Variants in SORL1 observed in about 807,000 individuals in gnomAD.
SORL1 encodes the protein sortilin-related receptor.
Under a neutral mutation model 273.7 loss-of-function variants are expected in SORL1, and 127 were observed. That is an observed-to-expected ratio of 0.46 (90% CI 0.40 to 0.54). SORL1 has a LOEUF of 0.54. Ranked by LOEUF, SORL1 falls within the 20% of genes least tolerant of loss-of-function variation. The pLI is 0.00. For missense variants in SORL1, 2,494 were observed against 2,846.1 expected, an observed-to-expected ratio of 0.88 and a Z score of 2.81; for synonymous variants, 1,031 against 1,067.4, an observed-to-expected ratio of 0.97 and a Z score of 0.66.
chr11:121,577,471 G>C, intron 25 of SORL1, 71 bp downstream of exon 25: 1 of 1,417,912 alleles, frequency 7.1e-7, no homozygotes, highest in Non-Finnish European at 9.3e-7. Flanking sequence ...AGCTTTAAAC[G>C]ATCGGAAAAT....
In SORL1 at chr11:121,595,748, G is replaced by A. The variant is rs1407857570; in HGVS notation, c.4495G>A (p.Asp1499Asn). ...CTGTGACGGCCACCAAGATTGCCAG[G>A]ATGGCCGGGACGAGGCCAATTGCCG... ...KRCDGHQDCQDGRDEANCPTH... is the reference protein window; with the variant it reads ...KRCDGHQDCQNGRDEANCPTH... Residue 1499 changes from aspartate to asparagine, a missense_variant, in exon 32 of 48, where the codon GAT (aspartate) becomes AAT (asparagine). Physicochemically the swap from Asp to Asn is conservative, Grantham distance 23. Around this residue, in one of 3 missense-constraint regions of SORL1, gnomAD observed 1,609 missense variants for 1,816.4 expected, o/e 0.89. Transcript: ENST00000260197. The surrounding 1 kb of genome is among the most constrained non-coding windows in gnomAD (Gnocchi z 5.1). 6.2e-7 allele frequency: 1 copy of A among 1,613,488 alleles called. No homozygotes were observed. The highest frequency in any genetic ancestry group is 1.3e-5 in the African/African-American group (1 of 74,930).
chr11:121,473,522 TA>T (rs1426437275), intron 2 of SORL1, among the ~76,000 whole-genome samples: 3 of 152,246 alleles, frequency 2.0e-5, no homozygotes, highest in African/African-American at 7.2e-5. Context: ...TTTTACAAAG[TA>T]CTAGGTTTAC....
chr11:121,615,117 C>G, intron 41 of SORL1, 62 bp downstream of exon 41: 1 of 1,332,890 alleles, frequency 7.5e-7, no homozygotes, highest in Non-Finnish European at 1.0e-6. Flanking sequence ...GCTACGCCAC[C>G]ACACAACTCC....
At chr11:121,551,895 TCA>T (rs1408267393) in intron 16 of SORL1, among the ~76,000 whole-genome samples, 1 of 152,252 alleles carries the variant, frequency 6.6e-6, no homozygotes, top group African/African-American at 2.4e-5. Flanking sequence ...AATATTTCCC[TCA>T]CAAGAGCTGT....
chr11:121,518,443 G>A (rs1354417257), intron 8 of SORL1, among the ~76,000 whole-genome samples: 1 of 152,190 alleles, frequency 6.6e-6, no homozygotes, highest in African/African-American at 2.4e-5. Flanking sequence ...CTGCTTAGAA[G>A]TAAAAGATAA....
At chr11:121,566,380 T>G (rs545087039) in intron 21 of SORL1, among the ~76,000 whole-genome samples, 79 of 152,222 alleles carry the variant, frequency 5.2e-4, no homozygotes, top group Non-Finnish European at 8.5e-4. Context: ...AAAAAAAAAT[T>G]TTTTTTAAGG....
chr11:121,577,153 G>T, intron 24 of SORL1, 128 bp from the exon 25 acceptor site: 1 of 1,299,090 alleles, frequency 7.7e-7, no homozygotes, highest in Admixed American at 2.1e-5. Flanking sequence ...AAGTCTCTTC[G>T]TTCATGGTCT....
At chr11:121,517,236 G>A (rs942723225) in intron 8 of SORL1, among the ~76,000 whole-genome samples, 1 of 151,924 alleles carries the variant, frequency 6.6e-6, no homozygotes, top group Non-Finnish European at 1.5e-5. Context: ...TCTCTCCACC[G>A]TCCCCTTCTC....
intron 3 of SORL1, among the ~76,000 whole-genome samples, chr11:121,480,566 G>A (rs1805890648): frequency 6.6e-6 from 1 of 150,478 alleles, no homozygotes; most frequent in Non-Finnish European, 1.5e-5. Context: ...CTCCTGCTGT[G>A]GTGCACAGAT....
At position 121,618,779 on chromosome 11, in the gene SORL1, T is replaced by C. The variant is rs1009492208; in HGVS notation, c.5610T>C (p.Tyr1870=). ...CTWTGPRNVV[Y]GIFYATSFLD... is the part of the protein sequence containing the mutation. ...CCATTCTCTGCTTTTACCAGGTTTA[T>C]GGTATTTTCTATGCCACGTCCTTTC... Residue 1870 remains tyrosine (Y), a synonymous_variant, in exon 42 of 48, where the codon TAT becomes TAC. Transcript: ENST00000260197. 1 of 1,614,190 alleles carries C rather than the reference T, an allele frequency of 6.2e-7. No homozygotes were observed. Among genetic ancestry groups the C allele is most frequent in the Non-Finnish European group, 8.5e-7 (1 of 1,180,000 alleles).
intron 23 of SORL1, among the ~76,000 whole-genome samples, chr11:121,570,724 A>G (rs1177589825): frequency 2.0e-5 from 3 of 152,174 alleles, no homozygotes; most frequent in Non-Finnish European, 4.4e-5. Context: ...ACCAGGCTCA[A>G]GAGAGATTGT....
intron 8 of SORL1, among the ~76,000 whole-genome samples, chr11:121,516,358 A>T (rs990827954): frequency 6.6e-6 from 1 of 152,218 alleles, no homozygotes; most frequent in Non-Finnish European, 1.5e-5. Flanking sequence ...GACGAGGGGT[A>T]CGAAAGGAGG....
At chr11:121,520,222 C>T (rs886891321) in intron 8 of SORL1, among the ~76,000 whole-genome samples, 1 of 152,102 alleles carries the variant, frequency 6.6e-6, no homozygotes, top group African/African-American at 2.4e-5. Flanking sequence ...ATGATTGCAC[C>T]ACTGCACTCC....
Position 121,632,331 on chromosome 11 carries a change from TAG to T in SORL1, c.*2773_*2774del, listed in dbSNP as rs1863887599. ...ATACGAGTCCACATGGATAAAATGT[TAG>T]AGAGTGGAGTTCTACAGAGGATTCC... On this transcript the variant is annotated 3_prime_UTR_variant, in exon 48 of 48. Coordinates refer to ENST00000260197, the MANE Select transcript of SORL1 (RefSeq NM_003105.6). 1 of 152,060 alleles carries T rather than the reference TAG, an allele frequency of 6.6e-6. No individual in the cohort carries two copies. The highest frequency in any genetic ancestry group is 6.5e-5 in the Admixed American group (1 of 15,268). 9.4% of individuals were successfully genotyped at this position (152,060 alleles called of 1,614,324 possible).
intron 12 of SORL1, 129 bp downstream of exon 12, chr11:121,532,681 G>T: frequency 5.8e-5 from 40 of 686,386 alleles, no homozygotes; most frequent in Middle Eastern, 2.5e-4. Flanking sequence ...CTGGATATGA[G>T]TTAAACTTTT....
chr11:121,590,301 T>C (rs779869672), intron 30 of SORL1, 127 bp downstream of exon 30: 7 of 872,966 alleles, frequency 8.0e-6, no homozygotes, highest in Non-Finnish European at 1.2e-5. Context: ...GAGGAGTGAC[T>C]CAAATTTTTT....
At chr11:121,592,958 G>A (rs1449808565) in intron 31 of SORL1, among the ~76,000 whole-genome samples, 3 of 152,110 alleles carry the variant, frequency 2.0e-5, no homozygotes, top group Non-Finnish European at 2.9e-5. Flanking sequence ...TCTTTTTTGT[G>A]CGCAGTGCTG....
chr11:121,502,665 T>C (rs944910128), intron 6 of SORL1, among the ~76,000 whole-genome samples: 13 of 152,350 alleles, frequency 8.5e-5, no homozygotes, highest in East Asian at 5.8e-4. Flanking sequence ...TTCACGTGGC[T>C]GTTGGCCATT....
intron 6 of SORL1, among the ~76,000 whole-genome samples, chr11:121,504,152 G>A (rs1246318220): frequency 6.6e-6 from 1 of 152,098 alleles, no homozygotes; most frequent in Non-Finnish European, 1.5e-5. Flanking sequence ...GGTGGCTCAC[G>A]CCTGTAATAT....
Sources: allele counts gnomAD v4.1 joint callset (sites outside exome capture counted in the v4.1 genomes callset), GRCh38; gene constraint gnomAD v4.1.1; regional missense constraint gnomAD v4.1.1; non-coding constraint Gnocchi (gnomAD v3.1); transcripts MANE v1.5; gene names NCBI Gene and HGNC (gene_info 2026-07-23, HGNC 2026-07-21).